GPC6: variants seen among roughly 807,000 people sequenced by gnomAD.
The protein encoded by GPC6 is glypican-6.
In GPC6, 14 loss-of-function variants were observed where a neutral mutation model predicts 55.2. The observed-to-expected ratio is 0.25, with a 90% confidence interval of 0.17 to 0.40. The LOEUF (loss-of-function observed/expected upper bound fraction) is 0.40. Ranked by LOEUF, GPC6 falls within the 10% of genes least tolerant of loss-of-function variation. The probability of loss-of-function intolerance (pLI) is 1.00; values close to 1 mark genes in which losing one functional copy is unlikely to be tolerated. For missense variants in GPC6, 641 were observed against 708.5 expected (o/e 0.90, Z 1.08); for synonymous variants, 278 against 259.6 (o/e 1.07, Z -0.68).
At chr13:93,624,822 A>T (rs1276513125) in intron 2 of GPC6, among the ~76,000 whole-genome samples, 1 of 152,240 alleles carries the variant, frequency 6.6e-6, no homozygotes. Context: ...CTGGTTAAGT[A>T]TAAGAGAAGA....
chr13:93,869,542 T>C (rs543187367), intron 3 of GPC6, among the ~76,000 whole-genome samples: 13 of 152,028 alleles, frequency 8.6e-5, no homozygotes, highest in African/African-American at 2.9e-4. Flanking sequence ...CAACTGTTAC[T>C]TCTAAAATAC....
chr13:93,917,120 C>T (rs1877331964), intron 3 of GPC6, among the ~76,000 whole-genome samples: 1 of 152,112 alleles, frequency 6.6e-6, no homozygotes, highest in African/African-American at 2.4e-5. Flanking sequence ...TCAGAGGACT[C>T]TTTTTGGTCA....
intron 3 of GPC6, among the ~76,000 whole-genome samples, chr13:94,016,087 T>A (rs971320889): frequency 2.0e-5 from 3 of 152,176 alleles, no homozygotes; most frequent in African/African-American, 7.2e-5. Context: ...GATCTCTGCT[T>A]CCATGAGTTT....
intron 3 of GPC6, among the ~76,000 whole-genome samples, chr13:93,894,148 T>C (rs933535107): frequency 6.6e-6 from 1 of 152,216 alleles, no homozygotes; most frequent in Admixed American, 6.5e-5. Context: ...GCTGCATATG[T>C]TTTTCCCCAG....
chr13:94,337,808 C>T lies in GPC6; in HGVS notation c.1152+31685C>T, dbSNP rs997727404. 4.6e-5 allele frequency among the ~76,000 whole-genome samples: 7 copies of T among 152,140 alleles called. No homozygotes were observed. In the East Asian group the frequency reaches 5.8e-4, roughly 13 times the overall value. On this transcript the variant is annotated intron_variant, in intron 6 of 8. Coordinates refer to ENST00000377047, the MANE Select transcript of GPC6 (RefSeq NM_005708.5). ...TCTACATTTAAATAATAATATCCAA[C>T]GGGAGAAGACACAGAAAGCCCTCAG... is the stretch of plus-strand genomic sequence containing the variant.
chr13:93,478,405 C>T, intron 1 of GPC6, among the ~76,000 whole-genome samples: 1 of 152,122 alleles, frequency 6.6e-6, no homozygotes, highest in Admixed American at 6.5e-5. Flanking sequence ...ATGTCTTCAC[C>T]AGACAGTATA....
chr13:94,223,365 GAACAC>G (rs1890445993), intron 4 of GPC6, among the ~76,000 whole-genome samples: 1 of 151,886 alleles, frequency 6.6e-6, no homozygotes, highest in South Asian at 2.1e-4. Flanking sequence ...TTATAATCTA[GAACAC>G]TCACTTTTCC....
At chr13:93,691,895 G>A (rs998807310) in intron 2 of GPC6, among the ~76,000 whole-genome samples, 1 of 151,954 alleles carries the variant, frequency 6.6e-6, no homozygotes, top group Non-Finnish European at 1.5e-5. Context: ...TCAGACACAT[G>A]GATTTTGGAA....
At chr13:93,335,734 C>T (rs539918489) in intron 1 of GPC6, among the ~76,000 whole-genome samples, 1 of 152,264 alleles carries the variant, frequency 6.6e-6, no homozygotes, top group South Asian at 2.1e-4. Context: ...ACCTGCTGAC[C>T]TTCCAAGTTC....
At chr13:94,090,520 C>G (rs1423985932) in intron 4 of GPC6, among the ~76,000 whole-genome samples, 1 of 152,150 alleles carries the variant, frequency 6.6e-6, no homozygotes, top group African/African-American at 2.4e-5. Context: ...CTCTCTCCTT[C>G]ATGCTTTATA....
In GPC6 at chr13:93,701,309, C is replaced by A. The variant is rs374600699; in HGVS notation, c.320-128845C>A. Among the ~76,000 whole-genome samples, 16 of 152,194 alleles carry A rather than the reference C, an allele frequency of 1.1e-4. No homozygotes were observed. In the South Asian group the frequency reaches 1.7e-3, roughly 16 times the overall value. On this transcript the variant is annotated intron_variant, in intron 2 of 8. Coordinates refer to ENST00000377047, the MANE Select transcript of GPC6 (RefSeq NM_005708.5). ...AAGCAAACATTACAATAATGTCACA[C>A]AACATCATTGGTTTCTCAGTGCATT...
chr13:94,205,008 A>G lies in GPC6; in HGVS notation c.878-81341A>G, dbSNP rs945505083. ...AATATTCTTAACCCTGGATCAATCA[A>G]ATAATAATCTTTTTCATGATAAGAA... On this transcript the variant is annotated intron_variant, in intron 4 of 8. Coordinates refer to ENST00000377047, the MANE Select transcript of GPC6 (RefSeq NM_005708.5). Among the ~76,000 whole-genome samples the G allele has an allele frequency of 2.6e-5, 4 of 152,306 alleles. No homozygotes were observed. The East Asian group carries it at 7.7e-4, about 29-fold the overall frequency.
chr13:93,879,859 A>G (rs1045789887), intron 3 of GPC6, among the ~76,000 whole-genome samples: 1 of 151,976 alleles, frequency 6.6e-6, no homozygotes, highest in Admixed American at 6.6e-5. Flanking sequence ...AACTCAAACA[A>G]ATTTACAAGA....
rs151015621 is a variant in GPC6 at position 94,303,762 on chromosome 13, C to T, written c.1009-2218C>T. 5.5e-3 allele frequency among the ~76,000 whole-genome samples: 742 copies of T among 134,926 alleles called. 5 individuals are homozygous for T. The highest frequency in any genetic ancestry group is 0.022 in the African/African-American group (699 of 32,474). The allele number at this position is 134,926 out of a possible 152,430, so 88.5% of individuals were successfully genotyped here. The stretch of plus-strand genomic sequence containing the variant: ...CCTATGTTCTGTAATAATTAACTCC[C>T]TCCAAAAAAAAAAAAAAAAAAAATT... On this transcript the variant is annotated intron_variant, in intron 5 of 8. Transcript: ENST00000377047.
At chr13:93,529,914 CAAAT>C (rs1436774000) in intron 1 of GPC6, among the ~76,000 whole-genome samples, 3 of 152,024 alleles carry the variant, frequency 2.0e-5, no homozygotes, top group Admixed American at 6.6e-5. Context: ...GGAAATTAAA[CAAAT>C]GAATGAATGA....
chr13:94,391,463 C>T (rs975251598), intron 7 of GPC6, among the ~76,000 whole-genome samples: 4 of 152,098 alleles, frequency 2.6e-5, no homozygotes, highest in Non-Finnish European at 5.9e-5. Context: ...CCCCTAGTGC[C>T]TCAGACAACC....
chr13:93,558,481 G>A (rs1336763684), intron 2 of GPC6, among the ~76,000 whole-genome samples: 3 of 152,176 alleles, frequency 2.0e-5, no homozygotes, highest in African/African-American at 7.2e-5. Context: ...CTGTCTTGAA[G>A]GTTAGGAAGG....
chr13:93,340,261 C>G (rs1433370211), intron 1 of GPC6, among the ~76,000 whole-genome samples: 1 of 151,926 alleles, frequency 6.6e-6, no homozygotes, highest in Non-Finnish European at 1.5e-5. Context: ...GTCTGGATCT[C>G]CTGACCTCGT....
At chr13:93,804,309 T>A (rs1256109889) in intron 2 of GPC6, among the ~76,000 whole-genome samples, 1 of 152,174 alleles carries the variant, frequency 6.6e-6, no homozygotes, top group Non-Finnish European at 1.5e-5. Flanking sequence ...ATTTTCAATT[T>A]TCTGATAGCT....
Sources: gnomAD v4.1 joint callset for allele counts (sites outside exome capture counted in the v4.1 genomes callset) on GRCh38, gnomAD v4.1.1 for gene constraint, MANE v1.5 for transcripts, NCBI Gene and HGNC (gene_info 2026-07-23, HGNC 2026-07-21) for gene names.